The following HOXB6 variants were observed in gnomAD, a reference collection of about 807,000 sequenced individuals.
The protein encoded by HOXB6 is homeobox B6.
A neutral mutation model predicts 24.2 loss-of-function variants in HOXB6; 18 were observed. The observed-to-expected ratio is 0.74, with a 90% CI of 0.51 to 1.10. The LOEUF is 1.10. Ranked by LOEUF, HOXB6 falls within the 50% of genes least tolerant of loss-of-function variation. The pLI, the probability that HOXB6 is intolerant of heterozygous loss-of-function variation, is 0.00. For missense variants in HOXB6, 332 were observed against 308.3 expected, an observed-to-expected ratio of 1.08 and a Z score of -0.58; for synonymous variants, 159 against 139.1, an observed-to-expected ratio of 1.14 and a Z score of -1.01.
intron 2 of HOXB6, chr17:48,602,486 C>T: frequency 7.6e-6 from 2 of 261,862 alleles, no homozygotes; most frequent in Non-Finnish European, 1.5e-5. Flanking sequence ...TATATATGCC[C>T]TAGAGGAAGC....
At chr17:48,600,675 CTCTG>C (rs2070439324) in intron 2 of HOXB6, 1 of 380,290 alleles carries the variant, frequency 2.6e-6, no homozygotes, top group Non-Finnish European at 5.3e-6. Context: ...GTCCACCGCC[CTCTG>C]TCTGTCTCCT....
At chr17:48,598,467 G>T (rs1459983362) in intron 2 of HOXB6, among the ~76,000 whole-genome samples, 2 of 150,744 alleles carry the variant, frequency 1.3e-5, no homozygotes, top group African/African-American at 4.9e-5. Context: ...ACAACACAAC[G>T]CGTCCTGTTC....
chr17:48,601,096 T>C lies in HOXB6; in HGVS notation c.-78-2868A>G, dbSNP rs1345831573. ...ATTTCCTCTAAGCTATAAAGCCCTC[T>C]CCCTCAGCTCTTTGAGGTGATGAGC... On this transcript the variant is annotated intron_variant, in intron 2 of 3. Transcript: ENST00000225648. 2.7e-5 allele frequency among the ~76,000 whole-genome samples: 4 copies of C among 149,270 alleles called. No homozygotes were observed. The East Asian group carries it at 7.7e-4, about 29-fold the overall frequency.
At position 48,596,167 on chromosome 17, in the gene HOXB6, G is replaced by T; in HGVS notation, c.*246C>A. 1 of 687,076 alleles carries T rather than the reference G, an allele frequency of 1.5e-6. No individual in the cohort carries two copies. Among genetic ancestry groups the T allele is most frequent in the Non-Finnish European group, 2.7e-6 (1 of 376,140 alleles). 42.6% of individuals were successfully genotyped at this position (687,076 alleles called of 1,614,324 possible). ...TCTCACCAGGAAGCCTGATCAGGCTGAGGCGAGTTCCTCGGGAAGGAAGGG... is the reference window on the plus strand; with the variant it reads ...TCTCACCAGGAAGCCTGATCAGGCTTAGGCGAGTTCCTCGGGAAGGAAGGG... On this transcript the variant is annotated 3_prime_UTR_variant, in exon 4 of 4. Coordinates refer to ENST00000225648, the MANE Select transcript of HOXB6 (RefSeq NM_018952.5). This position sits in a 1 kb window ranked among gnomAD's most constrained non-coding sequence, Gnocchi z 4.8.
intron 2 of HOXB6, 58 bp from the exon 3 acceptor site, chr17:48,598,286 T>C (rs2070372124): frequency 1.2e-6 from 1 of 864,402 alleles, no homozygotes; most frequent in Non-Finnish European, 1.7e-6. Flanking sequence ...GAGGTGCCAG[T>C]GAGGGCCAGA....
intron 3 of HOXB6, 147 bp downstream of exon 3, chr17:48,597,589 G>A: frequency 1.2e-6 from 1 of 851,516 alleles, no homozygotes. Context: ...GAGACCCCCG[G>A]CCGGCGCCCA....
rs999704140 is a variant in HOXB6, at chr17:48,596,331, A to C, written c.*82T>G. On this transcript the variant is annotated 3_prime_UTR_variant, in exon 4 of 4. Coordinates refer to ENST00000225648, the MANE Select transcript of HOXB6 (RefSeq NM_018952.5). This position sits in a 1 kb window ranked among gnomAD's most constrained non-coding sequence, Gnocchi z 4.8. ...AGGTCTCCTGGCTCCCCCACCCGAG[A>C]GCCTTCCTTCCCGGGTCTCTCTGAC... is the stretch of plus-strand genomic sequence containing the variant. The C allele has an allele frequency of 6.3e-7, 1 of 1,598,822 alleles. No individual in the cohort carries two copies. Among genetic ancestry groups the C allele is most frequent in the Non-Finnish European group, 8.6e-7 (1 of 1,167,248 alleles).
intron 2 of HOXB6, among the ~76,000 whole-genome samples, chr17:48,599,208 G>C (rs2070397192): frequency 6.6e-6 from 1 of 152,194 alleles, no homozygotes; most frequent in Non-Finnish European, 1.5e-5. Context: ...CCTCACTCCA[G>C]TACCCTCTAC....
chr17:48,597,038 A>T lies in HOXB6; in HGVS notation c.416-366T>A, dbSNP rs910792527. On this transcript the variant is annotated intron_variant, in intron 3 of 3. Coordinates refer to ENST00000225648, the MANE Select transcript of HOXB6 (RefSeq NM_018952.5). ...ACCCAATGATAAATCCAGGCCGTTA[A>T]TCCGTAATGACGTAGATCGATCCAT... is the stretch of plus-strand genomic sequence containing the variant. The T allele has an allele frequency of 3.4e-6, 4 of 1,184,130 alleles. No homozygotes were observed. The African/African-American group carries it at 4.8e-5, about 14-fold the overall frequency. 73.4% of individuals were successfully genotyped at this position (1,184,130 alleles called of 1,614,324 possible). A position where few individuals can be genotyped will look rare whatever the true frequency, so the allele number is the denominator to read the frequency against.
intron 2 of HOXB6, chr17:48,601,786 C>T (rs1392353402): frequency 4.6e-6 from 1 of 215,956 alleles, no homozygotes; most frequent in Non-Finnish European, 9.4e-6. Context: ...AGGCAATTTC[C>T]TGGAACCCCA....
rs886583770 is a variant in HOXB6, at chr17:48,604,611, T to G, written c.-210A>C. The G allele has an allele frequency of 6.6e-6, 1 of 152,622 alleles. No homozygotes were observed. Among genetic ancestry groups the G allele is most frequent in the Non-Finnish European group, 1.5e-5 (1 of 68,042 alleles). 9.5% of individuals were successfully genotyped at this position (152,622 alleles called of 1,614,324 possible). On this transcript the variant is annotated 5_prime_UTR_variant, in exon 2 of 4. Coordinates refer to ENST00000225648, the MANE Select transcript of HOXB6 (RefSeq NM_018952.5). ...ACGTGAGAGCCGTTGCTTCCCCTTCTCTGACTTGGGAGAGAGGGTGTTTCA... is the reference window on the plus strand; with the variant it reads ...ACGTGAGAGCCGTTGCTTCCCCTTCGCTGACTTGGGAGAGAGGGTGTTTCA...
chr17:48,597,901 T>C lies in HOXB6; in HGVS notation c.250A>G (p.Lys84Glu), dbSNP rs563745387. The C allele has an allele frequency of 5.7e-6, 9 of 1,583,660 alleles. No homozygotes were observed. In the African/African-American group the frequency reaches 8.1e-5, roughly 14 times the overall value. ...CCGGAGAGTGCGCAGGCCGACTCTT[T>C]CTCGCGGTAGAAGGCCGGCGCCGGC... is the stretch of plus-strand genomic sequence containing the variant. ...YGPAPAFYRE[K>E]ESACALSGAD... Residue 84 changes from lysine (K) to glutamate (E), a missense_variant, in exon 3 of 4, where the codon AAA (lysine) becomes GAA (glutamate). By Grantham distance (56) the Lys-to-Glu change is moderately conservative. Transcript: ENST00000225648.
At position 48,596,916 on chromosome 17, in the gene HOXB6, T is replaced by TG; in HGVS notation, c.416-245dup. ...AGCAGTTTGAACTCCCACCTGAGCC[T>TG]GGGGGGAGGGGCTGGTCAGGTGTGT... On this transcript the variant is annotated intron_variant, in intron 3 of 3. Transcript: ENST00000225648. This position sits in a 1 kb window ranked among gnomAD's most constrained non-coding sequence, Gnocchi z 4.8. The TG allele has an allele frequency of 1.5e-6, 2 of 1,375,728 alleles. No individual in the cohort carries two copies. Among genetic ancestry groups the TG allele is most frequent in the South Asian group, 1.5e-5 (1 of 66,138 alleles). The allele number at this position is 1,375,728 out of a possible 1,614,324, so 85.2% of individuals were successfully genotyped here. A position where few individuals can be genotyped will look rare whatever the true frequency, so the allele number is the denominator to read the frequency against.
At chr17:48,600,552 A>G in intron 2 of HOXB6, 1 of 455,490 alleles carries the variant, frequency 2.2e-6, no homozygotes, top group Non-Finnish European at 4.4e-6. Flanking sequence ...AGAGGTATTT[A>G]TGAGCGTTTA....
At position 48,596,254 on chromosome 17, in the gene HOXB6, G is replaced by A; in HGVS notation, c.*159C>T. ...TCAGAGCACCCGCCGGGAGCTGTGCGGGCGGGGGCGTCCAGGAGAGCGCTG... is the reference window on the plus strand; with the variant it reads ...TCAGAGCACCCGCCGGGAGCTGTGCAGGCGGGGGCGTCCAGGAGAGCGCTG... On this transcript the variant is annotated 3_prime_UTR_variant, in exon 4 of 4. Coordinates refer to ENST00000225648, the MANE Select transcript of HOXB6 (RefSeq NM_018952.5). This position sits in a 1 kb window ranked among gnomAD's most constrained non-coding sequence, Gnocchi z 4.8. The A allele has an allele frequency of 9.0e-7, 1 of 1,113,872 alleles. No individual in the cohort carries two copies. 69.0% of individuals were successfully genotyped at this position (1,113,872 alleles called of 1,614,324 possible). A position where few individuals can be genotyped will look rare whatever the true frequency, so the allele number is the denominator to read the frequency against.
rs749231927 is a variant in HOXB6, at chr17:48,597,858, G to A, written c.293C>T (p.Pro98Leu). 5.0e-6 allele frequency: 8 copies of A among 1,596,706 alleles called. No homozygotes were observed. The highest frequency in any genetic ancestry group is 1.3e-5 in the African/African-American group (1 of 74,442). ...CALSGADEQP[P>L]FHPEPRKSDC... ...CGACTTCCGCGGCTCGGGGTGGAACGGGGGCTGCTCGTCGGCGCCGGAGAG... is the reference window on the plus strand; with the variant it reads ...CGACTTCCGCGGCTCGGGGTGGAACAGGGGCTGCTCGTCGGCGCCGGAGAG... Residue 98 changes from proline to leucine, a missense_variant, in exon 3 of 4, where the codon CCG becomes CTG. Coordinates refer to ENST00000225648, the MANE Select transcript of HOXB6 (RefSeq NM_018952.5).
Position 48,596,962 on chromosome 17 carries a change from T to G in HOXB6, c.416-290A>C. 1.5e-6 allele frequency: 2 copies of G among 1,321,658 alleles called. No individual in the cohort carries two copies. 81.9% of individuals were successfully genotyped at this position (1,321,658 alleles called of 1,614,324 possible). ...TGTGTCTCTTCCTAGTTGCATCTTG[T>G]CTTTCCCTCCCTTTCCATCCATCTT... On this transcript the variant is annotated intron_variant, in intron 3 of 3. Coordinates refer to ENST00000225648, the MANE Select transcript of HOXB6 (RefSeq NM_018952.5). The surrounding 1 kb of genome is among the most constrained non-coding windows in gnomAD (Gnocchi z 4.8).
In HOXB6 at chr17:48,596,744, G is replaced by T. The variant is rs536445651; in HGVS notation, c.416-72C>A. On this transcript the variant is annotated intron_variant, in intron 3 of 3. Coordinates refer to ENST00000225648, the MANE Select transcript of HOXB6 (RefSeq NM_018952.5). This position sits in a 1 kb window ranked among gnomAD's most constrained non-coding sequence, Gnocchi z 4.8. ...GGACCCCCTCCCCTAGTCGACCCTC[G>T]AACACAGACTCCAGCCAGTACCGGG... 30 of 1,590,952 alleles carry T rather than the reference G, an allele frequency of 1.9e-5. 1 individual carries two copies. In the East Asian group the frequency reaches 5.8e-4, roughly 31 times the overall value.
intron 2 of HOXB6, among the ~76,000 whole-genome samples, chr17:48,601,260 C>G (rs2070455802): frequency 6.6e-6 from 1 of 152,068 alleles, no homozygotes; most frequent in Admixed American, 6.6e-5. Context: ...TGATCACTCC[C>G]ATAGGTTGAG....
Sources: gnomAD v4.1 joint callset for allele counts (sites outside exome capture counted in the v4.1 genomes callset) on GRCh38, gnomAD v4.1.1 for gene constraint, Gnocchi (gnomAD v3.1) non-coding constraint, MANE v1.5 for transcripts, NCBI Gene and HGNC (gene_info 2026-07-23, HGNC 2026-07-21) for gene names.